Variants in SNX29 observed in about 807,000 individuals in gnomAD.
The protein encoded by SNX29 is sorting nexin 29, also known as sorting nexin-29.
SNX29 carries 78 observed loss-of-function variants against 102.1 expected under a neutral mutation model. The observed-to-expected ratio is 0.76, with a 90% CI of 0.64 to 0.92. The LOEUF (loss-of-function observed/expected upper bound fraction) is 0.92. SNX29 is among the 40% of genes least tolerant of loss of function. The pLI is 0.00. For missense variants in SNX29, 1,280 were observed against 1,061.7 expected (o/e 1.21, Z -2.86); for synonymous variants, 580 against 414.5 (o/e 1.40, Z -4.85).
chr16:12,499,005 A>G (rs1469117134), intron 19 of SNX29, among the ~76,000 whole-genome samples: 1 of 152,278 alleles, frequency 6.6e-6, no homozygotes, highest in Admixed American at 6.5e-5. Flanking sequence ...AAATCTTTTT[A>G]GGGAGCTGGA....
In SNX29 at chr16:12,525,933, C is replaced by T. The variant is rs924024693; in HGVS notation, c.2318+1092C>T. Among the ~76,000 whole-genome samples the T allele has an allele frequency of 2.0e-5, 3 of 152,154 alleles. 1 individual carries two copies. Among genetic ancestry groups the T allele is most frequent in the Admixed American group, 2.0e-4 (3 of 15,274 alleles). On this transcript the variant is annotated intron_variant, in intron 20 of 20. Coordinates refer to ENST00000566228, the MANE Select transcript of SNX29 (RefSeq NM_032167.5). Reference sequence around the variant, plus strand: ...CTGCCTTGCCACTGATTAGTCCACTCTGTTGTCATAACCTGGGAATGCTGA... The same window carrying T: ...CTGCCTTGCCACTGATTAGTCCACTTTGTTGTCATAACCTGGGAATGCTGA...
At chr16:12,029,681 T>C (rs2057288231) in intron 4 of SNX29, 1 of 447,742 alleles carries the variant, frequency 2.2e-6, no homozygotes, top group Non-Finnish European at 4.5e-6. Flanking sequence ...AACCTCTGCC[T>C]CCCAGGTGCA....
intron 10 of SNX29, among the ~76,000 whole-genome samples, chr16:12,072,157 A>G (rs904188616): frequency 6.6e-6 from 1 of 152,108 alleles, no homozygotes; most frequent in African/African-American, 2.4e-5. Flanking sequence ...AATACCCTTT[A>G]TTTCCTTCTC....
chr16:12,100,431 C>T (rs1324953125), intron 11 of SNX29, among the ~76,000 whole-genome samples: 1 of 152,104 alleles, frequency 6.6e-6, no homozygotes, highest in African/African-American at 2.4e-5. Context: ...TTGAAACCCG[C>T]TGCTCTAGGA....
chr16:12,281,855 C>T (rs549131700), intron 15 of SNX29, among the ~76,000 whole-genome samples: 1 of 152,104 alleles, frequency 6.6e-6, no homozygotes, highest in South Asian at 2.1e-4. Flanking sequence ...TGGATCACTT[C>T]AGACTAGGAG....
chr16:12,404,829 A>C (rs114689340), intron 18 of SNX29, among the ~76,000 whole-genome samples: 2 of 152,276 alleles, frequency 1.3e-5, no homozygotes, highest in East Asian at 1.9e-4. Context: ...TAGACACTCT[A>C]TTCATTTCTC....
intron 7 of SNX29, among the ~76,000 whole-genome samples, chr16:12,050,963 C>T (rs1488229708): frequency 1.3e-5 from 2 of 152,102 alleles, no homozygotes; most frequent in African/African-American, 2.4e-5. Context: ...TCAGGTGATC[C>T]ACCCGCCTTG....
chr16:12,502,806 T>C (rs776886290), intron 19 of SNX29, among the ~76,000 whole-genome samples: 2 of 152,184 alleles, frequency 1.3e-5, no homozygotes, highest in Non-Finnish European at 2.9e-5. Flanking sequence ...ATCACAGGTA[T>C]TTTCGTATCA....
At chr16:12,470,301 C>A (rs1194110258) in intron 18 of SNX29, among the ~76,000 whole-genome samples, 3 of 152,212 alleles carry the variant, frequency 2.0e-5, no homozygotes, top group African/African-American at 7.2e-5. Flanking sequence ...ATGTTGGTTC[C>A]ACGTTCGCTG....
intron 11 of SNX29, among the ~76,000 whole-genome samples, chr16:12,101,959 C>T (rs535579734): frequency 6.6e-5 from 10 of 152,208 alleles, no homozygotes; most frequent in Non-Finnish European, 5.9e-5. Context: ...ATGTTCCCCT[C>T]CCTGTGTCCA....
intron 20 of SNX29, among the ~76,000 whole-genome samples, chr16:12,564,885 C>G (rs2078928688): frequency 6.7e-6 from 1 of 148,174 alleles, no homozygotes; most frequent in Non-Finnish European, 1.5e-5. Flanking sequence ...CTCTGAGGAT[C>G]CTGTGGGGAG....
At chr16:12,488,112 C>T (rs1291040268) in intron 19 of SNX29, among the ~76,000 whole-genome samples, 1 of 151,982 alleles carries the variant, frequency 6.6e-6, no homozygotes, top group Non-Finnish European at 1.5e-5. Context: ...GAGGACTTTT[C>T]TATAATATCA....
intron 13 of SNX29, among the ~76,000 whole-genome samples, chr16:12,190,707 G>GA (rs2076620553): frequency 6.6e-6 from 1 of 152,154 alleles, no homozygotes; most frequent in Non-Finnish European, 1.5e-5. Context: ...GTGGAGGTCT[G>GA]AGGCTGTATT....
intron 11 of SNX29, among the ~76,000 whole-genome samples, chr16:12,115,941 C>G (rs1045189859): frequency 2.6e-5 from 4 of 152,204 alleles, no homozygotes; most frequent in African/African-American, 7.2e-5. Flanking sequence ...CACCCTCGTC[C>G]CACTCTCCCT....
intron 14 of SNX29, among the ~76,000 whole-genome samples, chr16:12,220,323 G>T (rs1458871283): frequency 2.0e-5 from 2 of 100,450 alleles, no homozygotes; most frequent in East Asian, 6.2e-4. Context: ...AGGGAGGGAG[G>T]AAGGGAGGGA....
chr16:12,240,356 C>T (rs766210067), intron 14 of SNX29, among the ~76,000 whole-genome samples: 11 of 152,100 alleles, frequency 7.2e-5, no homozygotes, highest in East Asian at 1.9e-4. Context: ...CTCCTTGGTA[C>T]GGGGTATTGT....
chr16:12,293,848 C>A (rs894922772), intron 15 of SNX29, among the ~76,000 whole-genome samples: 1 of 152,208 alleles, frequency 6.6e-6, no homozygotes, highest in African/African-American at 2.4e-5. Context: ...GGCAAGCTTG[C>A]ATTCATTCAG....
chr16:12,251,746 A>G (rs2078429339), intron 14 of SNX29, among the ~76,000 whole-genome samples: 1 of 151,634 alleles, frequency 6.6e-6, no homozygotes, highest in South Asian at 2.1e-4. Flanking sequence ...ATTCATAACT[A>G]ATTTTATTTG....
At chr16:12,349,104 A>G (rs1056541524) in intron 15 of SNX29, among the ~76,000 whole-genome samples, 1 of 152,228 alleles carries the variant, frequency 6.6e-6, no homozygotes, top group East Asian at 1.9e-4. Flanking sequence ...TCTGTTAGGG[A>G]GTAAAATAAA....
Sources: allele counts gnomAD v4.1 joint callset (sites outside exome capture counted in the v4.1 genomes callset), GRCh38; gene constraint gnomAD v4.1.1; transcripts MANE v1.5; gene names NCBI Gene and HGNC (gene_info 2026-07-23, HGNC 2026-07-21).